Variants in TRPM3 observed in about 807,000 individuals in gnomAD.
TRPM3 encodes the protein transient receptor potential cation channel subfamily M member 3, also known as long transient receptor potential channel 3.
In TRPM3, 77 loss-of-function variants were observed where a neutral mutation model predicts 181.2. The observed-to-expected ratio is 0.42, with a 90% CI of 0.35 to 0.51. The LOEUF is 0.51. TRPM3 is among the 20% of genes least tolerant of loss of function. The pLI is 0.01. For missense variants in TRPM3, 1,759 were observed against 2,196.7 expected, an observed-to-expected ratio of 0.80 and a Z score of 3.98; for synonymous variants, 745 against 796.4, an observed-to-expected ratio of 0.94 and a Z score of 1.09.
At chr9:71,226,413 C>T (rs796500017) in intron 1 of TRPM3, among the ~76,000 whole-genome samples, 9 of 151,834 alleles carry the variant, frequency 5.9e-5, no homozygotes, top group African/African-American at 1.9e-4. Context: ...AAAAAAGATG[C>T]AACAATCTGT....
chr9:71,030,153 T>C (rs1057153444), intron 1 of TRPM3, among the ~76,000 whole-genome samples: 3 of 152,250 alleles, frequency 2.0e-5, no homozygotes, highest in Admixed American at 6.5e-5. Flanking sequence ...CTTTTGCTTA[T>C]ATTTTGTAAA....
chr9:70,963,116 G>A (rs1323313314), intron 1 of TRPM3, among the ~76,000 whole-genome samples: 1 of 152,148 alleles, frequency 6.6e-6, no homozygotes, highest in Non-Finnish European at 1.5e-5. Flanking sequence ...TCAAGGCAAG[G>A]TAAGCTCTAG....
intron 1 of TRPM3, among the ~76,000 whole-genome samples, chr9:71,202,396 T>G (rs1412420498): frequency 2.0e-5 from 3 of 152,162 alleles, no homozygotes; most frequent in Non-Finnish European, 4.4e-5. Context: ...TGCAGAGGTT[T>G]ACTGCTGTCT....
chr9:71,356,767 T>C (rs1446138766), intron 1 of TRPM3, among the ~76,000 whole-genome samples: 1 of 152,082 alleles, frequency 6.6e-6, no homozygotes, highest in African/African-American at 2.4e-5. Context: ...ATTATGCATA[T>C]CCAGTTCTGA....
rs1374054472 is a variant in TRPM3, at chr9:70,618,866, C to T, written c.2358+1G>A. The T allele has an allele frequency of 1.9e-6, 3 of 1,604,140 alleles. No homozygotes were observed. Among genetic ancestry groups the T allele is most frequent in the Non-Finnish European group, 1.7e-6 (2 of 1,179,940 alleles). ...AGGAGGGCCTTATTGGGCGCCCTGA[C>T]CTTGAGGCCTGAGTTCTTGCGCATG... is the stretch of plus-strand genomic sequence containing the variant. On this transcript the variant is annotated splice_donor_variant, in intron 17 of 25. Coordinates refer to ENST00000677713, the MANE Select transcript of TRPM3 (RefSeq NM_001366145.2). LOFTEE classifies it high-confidence loss of function.
At chr9:71,051,016 T>TA (rs958901816) in intron 1 of TRPM3, among the ~76,000 whole-genome samples, 33 of 152,352 alleles carry the variant, frequency 2.2e-4, no homozygotes, top group African/African-American at 7.2e-4. Flanking sequence ...TACTCATCTG[T>TA]AAAACTTGTC....
intron 4 of TRPM3, among the ~76,000 whole-genome samples, chr9:70,845,261 CAG>C (rs745607343): frequency 6.6e-6 from 1 of 152,106 alleles, no homozygotes; most frequent in African/African-American, 2.4e-5. Flanking sequence ...TTTTTTGAGA[CAG>C]AGTTTTGCTC....
At chr9:70,941,083 A>T (rs182387358) in intron 1 of TRPM3, among the ~76,000 whole-genome samples, 1 of 152,164 alleles carries the variant, frequency 6.6e-6, no homozygotes, top group Admixed American at 6.5e-5. Context: ...CTGATTGTCA[A>T]CTCAATTGGA....
At chr9:71,016,919 T>A (rs1277605187) in intron 1 of TRPM3, among the ~76,000 whole-genome samples, 1 of 152,178 alleles carries the variant, frequency 6.6e-6, no homozygotes, top group East Asian at 1.9e-4. Flanking sequence ...TTTCTGTTTT[T>A]ATTTTTTAAA....
chr9:71,331,688 GAGA>G (rs1222995837), intron 1 of TRPM3, among the ~76,000 whole-genome samples: 1 of 141,606 alleles, frequency 7.1e-6, no homozygotes. Context: ...GGAGGGAGAG[GAGA>G]AGGAGAAAAA....
chr9:71,063,849 A>G (rs1030442665), intron 1 of TRPM3, among the ~76,000 whole-genome samples: 1 of 152,050 alleles, frequency 6.6e-6, no homozygotes, highest in Non-Finnish European at 1.5e-5. Context: ...ACATTTCCAG[A>G]GTTAAGGTGT....
At chr9:71,193,265 C>G (rs2078140005) in intron 1 of TRPM3, among the ~76,000 whole-genome samples, 1 of 151,744 alleles carries the variant, frequency 6.6e-6, no homozygotes, top group Admixed American at 6.6e-5. Context: ...GCTTCTCAGT[C>G]CATTTAAGGT....
At chr9:71,433,299 G>A (rs1205654682) in intron 1 of TRPM3, among the ~76,000 whole-genome samples, 1 of 152,186 alleles carries the variant, frequency 6.6e-6, no homozygotes, top group Non-Finnish European at 1.5e-5. Flanking sequence ...CATGTGGGCA[G>A]TTACCCCCGT....
intron 1 of TRPM3, among the ~76,000 whole-genome samples, chr9:71,224,034 T>A (rs1604854): frequency 0.4 from 61,234 of 151,952 alleles, 13,204 homozygotes; most frequent in East Asian, 0.52. Flanking sequence ...CCTAGGGCTT[T>A]AAGTAAACAT....
At chr9:70,939,329 C>T (rs554351411) in intron 1 of TRPM3, among the ~76,000 whole-genome samples, 3 of 152,312 alleles carry the variant, frequency 2.0e-5, no homozygotes, top group East Asian at 1.9e-4. Context: ...GCTAATTACC[C>T]GACAGTCCCT....
chr9:70,993,775 AT>A (rs2097513133), intron 1 of TRPM3, among the ~76,000 whole-genome samples: 2 of 114,902 alleles, frequency 1.7e-5, no homozygotes, highest in Non-Finnish European at 3.4e-5. Context: ...ACAGAGTGAG[AT>A]TCCATCTCAA....
intron 12 of TRPM3, among the ~76,000 whole-genome samples, chr9:70,627,052 T>C (rs780579078): frequency 6.6e-6 from 1 of 151,938 alleles, no homozygotes; most frequent in Non-Finnish European, 1.5e-5. Flanking sequence ...AAGTCTGGGT[T>C]TGGGTTTTTG....
chr9:70,815,932 C>A (rs1480214617), intron 6 of TRPM3, among the ~76,000 whole-genome samples: 4 of 152,104 alleles, frequency 2.6e-5, no homozygotes, highest in Non-Finnish European at 4.4e-5. Context: ...AATTGTTTTA[C>A]AAGAGTACAG....
At chr9:71,403,644 C>T (rs938338331) in intron 1 of TRPM3, among the ~76,000 whole-genome samples, 13 of 152,012 alleles carry the variant, frequency 8.6e-5, no homozygotes, top group African/African-American at 2.4e-4. Context: ...AAACAAAAAA[C>T]GTATATGCAT....
Sources: allele counts gnomAD v4.1 joint callset (sites outside exome capture counted in the v4.1 genomes callset), GRCh38; gene constraint gnomAD v4.1.1; transcripts MANE v1.5; gene names NCBI Gene and HGNC (gene_info 2026-07-23, HGNC 2026-07-21).